The following STAU2 variants were observed in gnomAD, a reference collection of about 807,000 sequenced individuals.
STAU2 encodes double-stranded RNA-binding protein Staufen homolog 2.
STAU2 carries 20 observed loss-of-function variants against 65.9 expected under a neutral mutation model. The observed-to-expected ratio is 0.30, with a 90% CI of 0.21 to 0.44. STAU2 has a LOEUF of 0.44. Among genes scored for constraint, STAU2 ranks in the 20% least tolerant of loss-of-function variants. The pLI is 1.00. For synonymous variants in STAU2, 232 were observed against 233.9 expected (o/e 0.99, Z 0.07); for missense variants, 558 against 683.9 (o/e 0.82, Z 2.05).
At chr8:73,737,291 C>T (rs191710956) in intron 3 of STAU2, among the ~76,000 whole-genome samples, 3 of 152,212 alleles carry the variant, frequency 2.0e-5, no homozygotes, top group African/African-American at 7.2e-5. Flanking sequence ...CTGCCTCAGC[C>T]TCCCGAGTAG....
intron 10 of STAU2, among the ~76,000 whole-genome samples, chr8:73,599,292 C>T (rs1220472981): frequency 6.6e-6 from 1 of 152,000 alleles, no homozygotes; most frequent in Non-Finnish European, 1.5e-5. Flanking sequence ...CTAAAAATTA[C>T]TCTTGTTCTT....
At chr8:73,635,907 A>ACC (rs1814459037) in intron 6 of STAU2, among the ~76,000 whole-genome samples, 1 of 102,402 alleles carries the variant, frequency 9.8e-6, no homozygotes, top group African/African-American at 4.5e-5. Context: ...TGACCCCTGA[A>ACC]CCACACACAC....
chr8:73,632,393 G>C (rs887120286), intron 6 of STAU2, among the ~76,000 whole-genome samples: 12 of 152,124 alleles, frequency 7.9e-5, no homozygotes, highest in Non-Finnish European at 1.8e-4. Flanking sequence ...TTAAGTATTT[G>C]AGGAATCAAC....
At chr8:73,689,342 A>G (rs559593707) in intron 4 of STAU2, among the ~76,000 whole-genome samples, 17 of 152,286 alleles carry the variant, frequency 1.1e-4, no homozygotes, top group African/African-American at 3.9e-4. Flanking sequence ...AACATCATAA[A>G]TATTTCTCAA....
intron 6 of STAU2, among the ~76,000 whole-genome samples, chr8:73,658,598 T>C (rs1816565964): frequency 6.6e-6 from 1 of 152,056 alleles, no homozygotes; most frequent in African/African-American, 2.4e-5. Context: ...CCCTCATTAA[T>C]AGTCAAAGCA....
At chr8:73,635,568 TG>T (rs755644892) in intron 6 of STAU2, among the ~76,000 whole-genome samples, 27 of 152,016 alleles carry the variant, frequency 1.8e-4, no homozygotes, top group Admixed American at 1.1e-3. Flanking sequence ...GGCTCATGCC[TG>T]TAATCCCAGC....
At chr8:73,727,372 T>C (rs1468708602) in intron 3 of STAU2, among the ~76,000 whole-genome samples, 1 of 152,228 alleles carries the variant, frequency 6.6e-6, no homozygotes, top group Non-Finnish European at 1.5e-5. Context: ...AGGCAGTTGC[T>C]TCTCATTCAC....
At chr8:73,597,440 G>A (rs1586087152) in intron 10 of STAU2, among the ~76,000 whole-genome samples, 1 of 151,336 alleles carries the variant, frequency 6.6e-6, no homozygotes, top group East Asian at 1.9e-4. Context: ...GATCACTTGA[G>A]GTCAGGAGTT....
intron 6 of STAU2, among the ~76,000 whole-genome samples, chr8:73,661,891 A>G (rs546971508): frequency 8.3e-4 from 126 of 152,276 alleles, no homozygotes; most frequent in African/African-American, 2.9e-3. Context: ...AAATGCTACA[A>G]ACTTTCATGT....
chr8:73,591,243 T>G lies in STAU2; in HGVS notation c.1161+3923A>C, dbSNP rs546042681. On this transcript the variant is annotated intron_variant, in intron 11 of 14. Transcript: ENST00000524300. ...AGAAAACTAAAATGTATAGCCACAA[T>G]AGGAGGTCAGAGAAACTTAGAGAAG... Among the ~76,000 whole-genome samples the G allele has an allele frequency of 1.1e-4, 16 of 151,824 alleles. 1 individual carries two copies. In the South Asian group the frequency reaches 2.7e-3, roughly 26 times the overall value.
intron 3 of STAU2, among the ~76,000 whole-genome samples, chr8:73,737,931 A>C (rs902665068): frequency 6.6e-6 from 1 of 152,118 alleles, no homozygotes; most frequent in African/African-American, 2.4e-5. Flanking sequence ...CAACTACTTC[A>C]CAAGATTTGT....
chr8:73,651,698 C>T (rs1233512143), intron 6 of STAU2: 3 of 468,694 alleles, frequency 6.4e-6, no homozygotes, highest in East Asian at 9.1e-5. Flanking sequence ...TACCACCCCC[C>T]AAAGCCCAGG....
intron 11 of STAU2, among the ~76,000 whole-genome samples, chr8:73,588,455 G>A (rs1039272145): frequency 1.3e-5 from 2 of 152,238 alleles, no homozygotes; most frequent in African/African-American, 4.8e-5. Context: ...TGGGGCTACA[G>A]CTGCAGACCA....
intron 13 of STAU2, among the ~76,000 whole-genome samples, chr8:73,472,790 A>C (rs1820104193): frequency 6.6e-6 from 1 of 152,084 alleles, no homozygotes; most frequent in Admixed American, 6.5e-5. Context: ...AACACAACCC[A>C]CCTTCGGCTG....
At chr8:73,513,809 A>G (rs1822550123) in intron 13 of STAU2, among the ~76,000 whole-genome samples, 1 of 152,036 alleles carries the variant, frequency 6.6e-6, no homozygotes, top group South Asian at 2.1e-4. Context: ...ATTCCATTTC[A>G]TATCAAGGAA....
chr8:73,492,840 A>AT (rs1175099800), intron 13 of STAU2, among the ~76,000 whole-genome samples: 1 of 151,912 alleles, frequency 6.6e-6, no homozygotes, highest in African/African-American at 2.4e-5. Flanking sequence ...TCATGGCAGT[A>AT]TTTTTTATGG....
chr8:73,607,985 C>G (rs1425494369), intron 9 of STAU2, among the ~76,000 whole-genome samples: 1 of 152,110 alleles, frequency 6.6e-6, no homozygotes, highest in Non-Finnish European at 1.5e-5. Flanking sequence ...TTAGCTCTTC[C>G]GGATGATTGC....
At chr8:73,645,875 C>T (rs183261712) in intron 6 of STAU2, among the ~76,000 whole-genome samples, 10 of 152,108 alleles carry the variant, frequency 6.6e-5, no homozygotes, top group African/African-American at 9.7e-5. Context: ...CTCATTATCA[C>T]GAGAACAGCA....
intron 7 of STAU2, 103 bp from the exon 8 acceptor site, chr8:73,615,885 C>A: frequency 2.4e-6 from 2 of 834,012 alleles, no homozygotes; most frequent in Non-Finnish European, 3.9e-6. Flanking sequence ...GAAGAAACAA[C>A]AAACTATATA....
Sources: allele counts gnomAD v4.1 joint callset (sites outside exome capture counted in the v4.1 genomes callset), GRCh38; gene constraint gnomAD v4.1.1; transcripts MANE v1.5; gene names NCBI Gene and HGNC (gene_info 2026-07-23, HGNC 2026-07-21).